RIMS1: variants seen among roughly 807,000 people sequenced by gnomAD.
The protein encoded by RIMS1 is regulating synaptic membrane exocytosis 1, also known as regulating synaptic membrane exocytosis protein 1.
RIMS1 carries 83 observed loss-of-function variants against 214.1 expected under a neutral mutation model. That is an observed-to-expected ratio of 0.39 (90% confidence interval 0.32 to 0.47). RIMS1 has a LOEUF of 0.47. Among genes scored for constraint, RIMS1 ranks in the 20% least tolerant of loss-of-function variants. The pLI, the probability that RIMS1 is intolerant of heterozygous loss-of-function variation, is 0.99. For synonymous variants in RIMS1, 793 were observed against 786.8 expected (o/e 1.01, Z -0.13); for missense variants, 2,050 against 2,161.8 (o/e 0.95, Z 1.03).
At chr6:72,002,496 A>G (rs916731014) in intron 2 of RIMS1, among the ~76,000 whole-genome samples, 1 of 152,184 alleles carries the variant, frequency 6.6e-6, no homozygotes, top group Non-Finnish European at 1.5e-5. Flanking sequence ...AGAACAAAAG[A>G]CCAAAGATGC....
At chr6:72,104,931 A>G (rs2034427901) in intron 4 of RIMS1, among the ~76,000 whole-genome samples, 2 of 151,852 alleles carry the variant, frequency 1.3e-5, no homozygotes, top group African/African-American at 4.8e-5. Context: ...TCACTTATTT[A>G]TTTATTGAGT....
At chr6:72,141,813 G>A (rs959107678) in intron 4 of RIMS1, among the ~76,000 whole-genome samples, 3 of 151,882 alleles carry the variant, frequency 2.0e-5, no homozygotes, top group Admixed American at 1.3e-4. Context: ...TAAAGTGGTT[G>A]GTTCTCACCT....
intron 1 of RIMS1, among the ~76,000 whole-genome samples, chr6:71,963,924 T>C (rs1396768926): frequency 1.3e-5 from 2 of 152,182 alleles, no homozygotes; most frequent in African/African-American, 4.8e-5. Context: ...GGTGAGTTGC[T>C]ATTACATGTA....
chr6:72,049,418 G>T (rs542128274), intron 2 of RIMS1, among the ~76,000 whole-genome samples: 198 of 152,194 alleles, frequency 1.3e-3, no homozygotes, highest in African/African-American at 4.5e-3. Flanking sequence ...TGCAACATCT[G>T]ATTACACTTT....
At chr6:72,377,149 T>G (rs1485422459) in intron 29 of RIMS1, among the ~76,000 whole-genome samples, 2 of 152,208 alleles carry the variant, frequency 1.3e-5, no homozygotes, top group Non-Finnish European at 2.9e-5. Flanking sequence ...CAGAGTTCTG[T>G]GCTTGGGCTT....
chr6:72,243,709 CAATT>C (rs1274516869), intron 10 of RIMS1, among the ~76,000 whole-genome samples: 17 of 151,410 alleles, frequency 1.1e-4, no homozygotes, highest in Non-Finnish European at 1.5e-5. Flanking sequence ...AAGTAACAGA[CAATT>C]AAAGTAGACT....
intron 1 of RIMS1, among the ~76,000 whole-genome samples, chr6:71,928,225 A>G (rs1782090742): frequency 6.6e-6 from 1 of 152,168 alleles, no homozygotes; most frequent in African/African-American, 2.4e-5. Context: ...TACAACAGAT[A>G]AATAATTTCA....
intron 2 of RIMS1, among the ~76,000 whole-genome samples, chr6:72,015,620 G>A (rs1471748439): frequency 6.6e-6 from 1 of 152,056 alleles, no homozygotes; most frequent in Non-Finnish European, 1.5e-5. Context: ...ATGTCACAGG[G>A]GAAATAACTT....
intron 6 of RIMS1, among the ~76,000 whole-genome samples, chr6:72,207,073 A>C (rs1283498900): frequency 6.6e-6 from 1 of 152,234 alleles, no homozygotes; most frequent in Admixed American, 6.5e-5. Context: ...AGGAATAAAC[A>C]AGCAAGAAGT....
At chr6:72,023,727 G>A (rs1815452305) in intron 2 of RIMS1, among the ~76,000 whole-genome samples, 1 of 151,912 alleles carries the variant, frequency 6.6e-6, no homozygotes, top group Non-Finnish European at 1.5e-5. Context: ...TACTATGCAG[G>A]TATCTTGTTT....
chr6:71,899,344 GAA>G (rs763649063), intron 1 of RIMS1, among the ~76,000 whole-genome samples: 1 of 151,886 alleles, frequency 6.6e-6, no homozygotes, highest in African/African-American at 2.4e-5. Context: ...TGCTTACAAA[GAA>G]GAGCTTTCTT....
chr6:72,095,257 C>T (rs2031140393), intron 2 of RIMS1, among the ~76,000 whole-genome samples: 1 of 151,950 alleles, frequency 6.6e-6, no homozygotes, highest in African/African-American at 2.4e-5. Context: ...GCCACCGCGC[C>T]CAGCCCTTCC....
rs183881610 is a variant in RIMS1, at chr6:72,170,113, C to T, written c.472-9462C>T. Among the ~76,000 whole-genome samples the T allele has an allele frequency of 5.4e-3, 828 of 152,294 alleles. 5 individuals are homozygous for T. Among genetic ancestry groups the T allele is most frequent in the Non-Finnish European group, 8.8e-3 (599 of 68,014 alleles). ...GCCTTGAAACCACCAGGTATAAGCT[C>T]CACAAAGTCCTTTTTATTTGCTGTT... On this transcript the variant is annotated intron_variant, in intron 4 of 33. Transcript: ENST00000521978.
intron 29 of RIMS1, among the ~76,000 whole-genome samples, chr6:72,372,380 T>A (rs56184177): frequency 3.3e-4 from 50 of 152,358 alleles, no homozygotes; most frequent in African/African-American, 1.2e-3. Flanking sequence ...TTTGCCATGC[T>A]TTCTAGGGTT....
At chr6:72,263,002 C>T (rs1269482303) in intron 19 of RIMS1, 21 of 683,576 alleles carry the variant, frequency 3.1e-5, no homozygotes, top group South Asian at 1.3e-4. Flanking sequence ...AAAAAAGCTA[C>T]GAAAGTTTAT....
intron 2 of RIMS1, among the ~76,000 whole-genome samples, chr6:72,003,657 T>A (rs1463877649): frequency 1.3e-5 from 2 of 151,886 alleles, no homozygotes; most frequent in African/African-American, 2.4e-5. Flanking sequence ...TGATAAGAAT[T>A]TACGTAGACT....
chr6:72,248,386 G>A (rs2071285652), intron 12 of RIMS1, among the ~76,000 whole-genome samples: 1 of 152,110 alleles, frequency 6.6e-6, no homozygotes, highest in Non-Finnish European at 1.5e-5. Context: ...TAAATAAAGA[G>A]TTCATATTTT....
At chr6:72,009,201 G>A (rs1369745264) in intron 2 of RIMS1, among the ~76,000 whole-genome samples, 3 of 152,298 alleles carry the variant, frequency 2.0e-5, no homozygotes, top group Non-Finnish European at 2.9e-5. Flanking sequence ...CATGGAAACT[G>A]AACAACCTGC....
intron 2 of RIMS1, among the ~76,000 whole-genome samples, chr6:72,041,295 C>T (rs562340487): frequency 6.6e-6 from 1 of 151,954 alleles, no homozygotes; most frequent in East Asian, 1.9e-4. Flanking sequence ...TAAAGTCAGC[C>T]AATGCCAACA....
Sources: allele counts gnomAD v4.1 joint callset (sites outside exome capture counted in the v4.1 genomes callset), GRCh38; gene constraint gnomAD v4.1.1; transcripts MANE v1.5; gene names NCBI Gene and HGNC (gene_info 2026-07-23, HGNC 2026-07-21).